ROBO1: variants seen among roughly 807,000 people sequenced by gnomAD.
The protein encoded by ROBO1 is roundabout guidance receptor 1.
A neutral mutation model predicts 195.9 loss-of-function variants in ROBO1; 149 were observed. The observed-to-expected ratio is 0.76, with a 90% CI of 0.67 to 0.87. ROBO1 has a LOEUF of 0.87. Ranked by LOEUF, ROBO1 falls within the 40% of genes least tolerant of loss-of-function variation. The pLI, the probability that ROBO1 is intolerant of heterozygous loss-of-function variation, is 0.00. For synonymous variants in ROBO1, 816 were observed against 733.2 expected, an observed-to-expected ratio of 1.11 and a Z score of -1.82; for missense variants, 1,933 against 2,068.3, an observed-to-expected ratio of 0.93 and a Z score of 1.27.
chr3:79,318,126 G>A (rs899338254), intron 2 of ROBO1, among the ~76,000 whole-genome samples: 3 of 151,952 alleles, frequency 2.0e-5, no homozygotes, highest in African/African-American at 7.3e-5. Flanking sequence ...ATTGGATGAG[G>A]ACCACCCACA....
intron 2 of ROBO1, among the ~76,000 whole-genome samples, chr3:79,524,477 T>G (rs1476850885): frequency 1.3e-5 from 2 of 152,100 alleles, no homozygotes; most frequent in African/African-American, 4.8e-5. Flanking sequence ...AATTTTTATA[T>G]ATGTATGTGC....
chr3:79,096,697 T>C (rs115959387), intron 3 of ROBO1, among the ~76,000 whole-genome samples: 102 of 150,862 alleles, frequency 6.8e-4, no homozygotes, highest in African/African-American at 2.4e-3. Context: ...CGTACACACA[T>C]ATTTATATAT....
At position 79,148,834 on chromosome 3, in the gene ROBO1, C is replaced by A. The variant is rs935590650; in HGVS notation, c.89-23295G>T. On this transcript the variant is annotated intron_variant, in intron 2 of 30. Transcript: ENST00000464233. ...TAATAAGAATGATCAATTAGATTAG[C>A]TGTATTTTGCTGATGTGATCAATAA... Among the ~76,000 whole-genome samples, 6 of 151,932 alleles carry A rather than the reference C, an allele frequency of 3.9e-5. No individual in the cohort carries two copies. The South Asian group carries it at 8.3e-4, about 21-fold the overall frequency.
intron 2 of ROBO1, among the ~76,000 whole-genome samples, chr3:79,534,665 T>C (rs1439035080): frequency 6.6e-6 from 1 of 152,198 alleles, no homozygotes; most frequent in East Asian, 1.9e-4. Context: ...AAGAACTAAA[T>C]GTATAGCACA....
At chr3:78,914,300 G>A (rs537867976) in intron 4 of ROBO1, among the ~76,000 whole-genome samples, 83 of 152,140 alleles carry the variant, frequency 5.5e-4, no homozygotes, top group South Asian at 1.4e-3. Context: ...GACAGTATAC[G>A]AGTTTACCAA....
chr3:78,854,559 A>G (rs749918976), intron 4 of ROBO1, among the ~76,000 whole-genome samples: 58 of 150,850 alleles, frequency 3.8e-4, no homozygotes, highest in Non-Finnish European at 7.5e-4. Context: ...TGGCAGGATT[A>G]TTAATACATT....
intron 3 of ROBO1, among the ~76,000 whole-genome samples, chr3:78,941,261 A>C (rs2040121928): frequency 6.6e-6 from 1 of 152,202 alleles, no homozygotes; most frequent in African/African-American, 2.4e-5. Context: ...AGCTCTAGAA[A>C]AGGAGGAAAT....
rs187939914 is a variant in ROBO1 at position 79,724,446 on chromosome 3, C to T, written c.-51+43306G>A. On this transcript the variant is annotated intron_variant, in intron 1 of 30. Transcript: ENST00000464233. Reference sequence around the variant, plus strand: ...TAACTTGCTTCTAATCAACAGAATACGGCAACGTTGAAGGGGATGGCCTGT... The same window carrying T: ...TAACTTGCTTCTAATCAACAGAATATGGCAACGTTGAAGGGGATGGCCTGT... Among the ~76,000 whole-genome samples, 11 of 152,272 alleles carry T rather than the reference C, an allele frequency of 7.2e-5. No individual in the cohort carries two copies. The East Asian group carries it at 1.9e-3, about 27-fold the overall frequency.
intron 27 of ROBO1, among the ~76,000 whole-genome samples, chr3:78,616,286 G>GC (rs1704104771): frequency 6.6e-6 from 1 of 152,050 alleles, no homozygotes; most frequent in South Asian, 2.1e-4. Flanking sequence ...GAAAACAAAA[G>GC]CCGTATGTAA....
At chr3:79,460,770 C>T (rs1314849924) in intron 2 of ROBO1, among the ~76,000 whole-genome samples, 2 of 151,844 alleles carry the variant, frequency 1.3e-5, no homozygotes, top group Admixed American at 6.6e-5. Context: ...TTTTTTGAGA[C>T]GGAGTCTCGC....
Position 78,657,218 on chromosome 3 carries a change from C to T in ROBO1, c.2494G>A (p.Gly832Ser), listed in dbSNP as rs746010039. The change falls in exon 18 of 31, where the codon GGT becomes AGT. Residue 832 changes from glycine to serine, a missense_variant. Coordinates refer to ENST00000464233, the MANE Select transcript of ROBO1 (RefSeq NM_002941.4). The stretch of plus-strand genomic sequence containing the variant: ...GGAATGACCACGGAAAAGGTGGAAC[C>T]ATCCACTGTTTTGTTGATGTGGTAT... The part of the protein sequence containing the change: ...TRYHINKTVD[G>S]STFSVVIPFL... 6 of 1,613,604 alleles carry T rather than the reference C, an allele frequency of 3.7e-6. No homozygotes were observed. The highest frequency in any genetic ancestry group is 1.6e-4 in the Middle Eastern group (1 of 6,062).
intron 2 of ROBO1, among the ~76,000 whole-genome samples, chr3:79,348,288 T>A (rs1013730963): frequency 4.0e-5 from 6 of 150,842 alleles, no homozygotes; most frequent in Non-Finnish European, 7.4e-5. Context: ...GGAGTACTGG[T>A]CTATTATTTC....
chr3:79,188,495 G>A (rs756121202), intron 2 of ROBO1, among the ~76,000 whole-genome samples: 1 of 151,626 alleles, frequency 6.6e-6, no homozygotes, highest in African/African-American at 2.4e-5. Context: ...TACATATACT[G>A]TACATGTTTG....
chr3:78,963,753 G>A (rs1280862006), intron 3 of ROBO1, among the ~76,000 whole-genome samples: 1 of 151,816 alleles, frequency 6.6e-6, no homozygotes, highest in Non-Finnish European at 1.5e-5. Flanking sequence ...TCCTGACCTC[G>A]TGATCCACCC....
intron 2 of ROBO1, among the ~76,000 whole-genome samples, chr3:79,578,274 G>T (rs982214962): frequency 3.3e-5 from 5 of 152,074 alleles, no homozygotes; most frequent in Non-Finnish European, 5.9e-5. Flanking sequence ...AAGTATTTTG[G>T]TGGAAAAATA....
At chr3:79,362,138 A>G (rs962117524) in intron 2 of ROBO1, among the ~76,000 whole-genome samples, 5 of 152,150 alleles carry the variant, frequency 3.3e-5, no homozygotes. Context: ...ACATTTAATT[A>G]TTATTAATTA....
intron 2 of ROBO1, among the ~76,000 whole-genome samples, chr3:79,355,709 G>A (rs1281430842): frequency 6.6e-6 from 1 of 151,980 alleles, no homozygotes; most frequent in African/African-American, 2.4e-5. Flanking sequence ...TGCCCTCCAG[G>A]TTCATCCATG....
intron 2 of ROBO1, among the ~76,000 whole-genome samples, chr3:79,184,549 T>G (rs373289372): frequency 6.6e-6 from 1 of 152,266 alleles, no homozygotes; most frequent in African/African-American, 2.4e-5. Flanking sequence ...CTATTTCTCT[T>G]GGTCAGTGTG....
chr3:78,997,701 G>A (rs1045863701), intron 3 of ROBO1, among the ~76,000 whole-genome samples: 5 of 152,228 alleles, frequency 3.3e-5, no homozygotes, highest in Admixed American at 1.3e-4. Flanking sequence ...CACACAGAAG[G>A]GGCCAACTCA....
Sources: allele counts gnomAD v4.1 joint callset (sites outside exome capture counted in the v4.1 genomes callset), GRCh38; gene constraint gnomAD v4.1.1; transcripts MANE v1.5; gene names NCBI Gene and HGNC (gene_info 2026-07-23, HGNC 2026-07-21).